RHBG: variants seen among roughly 807,000 people sequenced by gnomAD.
RHBG encodes ammonium transporter Rh type B.
In RHBG, 39 loss-of-function variants were observed where a neutral mutation model predicts 40.1. The observed-to-expected ratio is 0.97, with a 90% CI of 0.75 to 1.27. The LOEUF is 1.27. RHBG is among the 50% of genes most tolerant of loss of function. RHBG has a pLI of 0.00. For synonymous variants in RHBG, 237 were observed against 252.5 expected (o/e 0.94, Z 0.58); for missense variants, 549 against 588.1 (o/e 0.93, Z 0.69).
chr1:156,372,639 C>T (rs1395729952), intron 1 of RHBG, among the ~76,000 whole-genome samples: 1 of 152,100 alleles, frequency 6.6e-6, no homozygotes. Context: ...TAGAGGCAGG[C>T]GGGATGGATG....
chr1:156,374,228 G>A (rs1667036511), intron 1 of RHBG, among the ~76,000 whole-genome samples: 1 of 152,122 alleles, frequency 6.6e-6, no homozygotes, highest in Non-Finnish European at 1.5e-5. Context: ...CTGATTATCT[G>A]AGATGGAACA....
chr1:156,369,473 C>A (rs1382131705), intron 1 of RHBG, 37 bp downstream of exon 1: 2 of 1,556,904 alleles, frequency 1.3e-6, no homozygotes, highest in Admixed American at 3.8e-5. Context: ...AAGCAAAGAC[C>A]CCAAGATTTG....
chr1:156,377,462 G>T lies in RHBG; in HGVS notation c.349G>T (p.Gly117Cys), dbSNP rs12567720. ...GGGCTTTCTCCACTCCTTCCACGGT[G>T]GCCACATCCATGTTGGCGTGGAGAG... is the stretch of plus-strand genomic sequence containing the variant. ...VQGFLHSFHG[G>C]HIHVGVESMI... Residue 117 changes from glycine (G) to cysteine (C), a missense_variant, in exon 2 of 10, where the codon GGC becomes TGC. Gly to Cys is a radical substitution (Grantham distance 159, BLOSUM62 -3). Around this residue, in one of 3 missense-constraint regions of RHBG, gnomAD observed 51 missense variants for 85.9 expected, o/e 0.59. Coordinates refer to ENST00000537040, the MANE Select transcript of RHBG (RefSeq NM_020407.5). This position sits in a 1 kb window ranked among gnomAD's most constrained non-coding sequence, Gnocchi z 4.6. 2.8e-4 allele frequency: 452 copies of T among 1,612,366 alleles called. 2 individuals carry two copies. The East Asian group carries it at 1.0e-2, about 35-fold the overall frequency.
rs374891145 is a variant in RHBG, at chr1:156,384,791, T to C, written c.1323T>C (p.His441=). 165 of 1,613,888 alleles carry C rather than the reference T, an allele frequency of 1.0e-4. No homozygotes were observed. Among genetic ancestry groups the C allele is most frequent in the Non-Finnish European group, 1.3e-4 (155 of 1,179,962 alleles). The change falls in exon 10 of 10, where the codon CAT becomes CAC. Residue 441 remains histidine, a synonymous_variant. Transcript: ENST00000537040. ...DQVHWQVPGE[H]EDKAQRPLRV... ...CTGCCTTCCAGGTGCCTGGCGAGCATGAGGATAAAGCCCAGAGACCTCTGA... is the reference window on the plus strand; with the variant it reads ...CTGCCTTCCAGGTGCCTGGCGAGCACGAGGATAAAGCCCAGAGACCTCTGA...
intron 9 of RHBG, 67 bp from the exon 10 acceptor site, chr1:156,384,710 A>G: frequency 1.3e-6 from 2 of 1,561,904 alleles, no homozygotes; most frequent in South Asian, 1.1e-5. Flanking sequence ...TCTGGGGTAC[A>G]CCCCTGAACT....
chr1:156,381,297 C>T (rs763258376), intron 4 of RHBG, 50 bp from the exon 5 acceptor site: 29 of 1,586,926 alleles, frequency 1.8e-5, no homozygotes, highest in South Asian at 3.3e-5. Flanking sequence ...TTGTACCTTG[C>T]GTGGGAGTCA....
intron 1 of RHBG, among the ~76,000 whole-genome samples, chr1:156,376,629 G>T (rs936308151): frequency 6.6e-6 from 1 of 152,022 alleles, no homozygotes; most frequent in Non-Finnish European, 1.5e-5. Context: ...CTCCCAAAGT[G>T]CTGGGATTAC....
chr1:156,378,771 CCTCCAGGCCTTTGCCTGTCTGG>C (rs1321413298), intron 4 of RHBG, among the ~76,000 whole-genome samples: 1 of 152,148 alleles, frequency 6.6e-6, no homozygotes, highest in African/African-American at 2.4e-5. Flanking sequence ...CCTGCCCTCA[CCTCCAGGCCTTTGCCTGTCTGG>C]TTCCCGGCAA....
In RHBG at chr1:156,381,811, C is replaced by T; in HGVS notation, c.846C>T (p.His282=). ...ACACCTTGCTCTTCCCTTAGGTCCA[C>T]ATCCAAAATGCAGCGCTGGCTGGAG... The part of the protein sequence containing the change: ...VGEDGRLDMV[H]IQNAALAGGV... Residue 282 remains histidine, a synonymous_variant, in exon 6 of 10, where the codon CAC becomes CAT. Coordinates refer to ENST00000537040, the MANE Select transcript of RHBG (RefSeq NM_020407.5). 3 of 1,583,434 alleles carry T rather than the reference C, an allele frequency of 1.9e-6. No individual in the cohort carries two copies. The highest frequency in any genetic ancestry group is 2.6e-6 in the Non-Finnish European group (3 of 1,172,280).
Position 156,378,356 on chromosome 1 carries a change from C to T in RHBG, c.630C>T (p.His210=), listed in dbSNP as rs375155417. ...LYRPQLEKSK[H]RQGSVYHSDL... ...GGCCCCAGCTGGAGAAGAGCAAGCA[C>T]CGCCAGGGCTCCGTCTACCATTCAG... is the stretch of plus-strand genomic sequence containing the variant. The change falls in exon 4 of 10, where the codon CAC becomes CAT. Residue 210 remains histidine (H), a synonymous_variant. Coordinates refer to ENST00000537040, the MANE Select transcript of RHBG (RefSeq NM_020407.5). The T allele has an allele frequency of 5.6e-5, 91 of 1,612,718 alleles. No homozygotes were observed. The highest frequency in any genetic ancestry group is 3.3e-4 in the Middle Eastern group (2 of 6,072).
At chr1:156,378,980 C>T (rs1667425551) in intron 4 of RHBG, among the ~76,000 whole-genome samples, 3 of 151,864 alleles carry the variant, frequency 2.0e-5, no homozygotes, top group African/African-American at 7.2e-5. Context: ...GTCATCACCA[C>T]CTGCTGCTTC....
chr1:156,382,728 T>C lies in RHBG; in HGVS notation c.1113-20T>C. 1 of 1,613,722 alleles carries C rather than the reference T, an allele frequency of 6.2e-7. No individual in the cohort carries two copies. The highest frequency in any genetic ancestry group is 2.2e-5 in the East Asian group (1 of 44,866). On this transcript the variant is annotated intron_variant, in intron 7 of 9. Transcript: ENST00000537040. ...TCTCTCTCCCTACCCCTGCCTTTCC[T>C]CTATCTGGTCTCCCTGCAGCCTGGA... is the stretch of plus-strand genomic sequence containing the variant.
rs779846942 is a variant in RHBG, at chr1:156,381,477, G to C, written c.804G>C (p.Leu268Phe). Residue 268 changes from leucine (L) to phenylalanine (F), a missense_variant, in exon 5 of 10, where the codon TTG (leucine) becomes TTC (phenylalanine). Physicochemically the swap from Leu to Phe is conservative, Grantham distance 22 (BLOSUM62 0). Transcript: ENST00000537040. ...CCAGCACCCTTGGCACCTTTGCCTT[G>C]TCAGCCCTTGTAGGGGAAGATGGGA... Reference protein sequence around the residue: ...LAASTLGTFALSALVGEDGRL... With the variant: ...LAASTLGTFAFSALVGEDGRL... 1.2e-6 allele frequency: 2 copies of C among 1,613,544 alleles called. No homozygotes were observed. Among genetic ancestry groups the C allele is most frequent in the Non-Finnish European group, 1.7e-6 (2 of 1,179,634 alleles).
intron 1 of RHBG, among the ~76,000 whole-genome samples, chr1:156,373,587 G>T (rs1406242161): frequency 6.6e-6 from 1 of 152,142 alleles, no homozygotes; most frequent in Admixed American, 6.6e-5. Context: ...AGCCCAAAAA[G>T]AATTTCTCAT....
chr1:156,381,299 TG>T, intron 4 of RHBG, 47 bp from the exon 5 acceptor site: 1 of 1,596,106 alleles, frequency 6.3e-7, no homozygotes. Flanking sequence ...GTACCTTGCG[TG>T]GGAGTCACTT....
At chr1:156,375,664 T>C (rs1203029968) in intron 1 of RHBG, among the ~76,000 whole-genome samples, 1 of 151,966 alleles carries the variant, frequency 6.6e-6, no homozygotes, top group Non-Finnish European at 1.5e-5. Context: ...ATAAATAAAA[T>C]TCAATAATTA....
intron 1 of RHBG, chr1:156,371,674 A>G (rs948140214): frequency 1.3e-5 from 2 of 153,802 alleles, no homozygotes; most frequent in African/African-American, 2.4e-5. Flanking sequence ...CCTGGCTAGA[A>G]AAGAAGGATA....
intron 1 of RHBG, among the ~76,000 whole-genome samples, chr1:156,373,862 A>G (rs952621895): frequency 3.9e-5 from 6 of 152,204 alleles, no homozygotes; most frequent in African/African-American, 1.4e-4. Context: ...AGTGAGGCTA[A>G]AAGAACTTAG....
intron 1 of RHBG, among the ~76,000 whole-genome samples, chr1:156,370,389 T>G: frequency 1.3e-5 from 2 of 150,368 alleles, no homozygotes; most frequent in East Asian, 2.0e-4. Context: ...GCAGAGGTTG[T>G]AGTGAGTCAG....
Sources: allele counts gnomAD v4.1 joint callset (sites outside exome capture counted in the v4.1 genomes callset), GRCh38; gene constraint gnomAD v4.1.1; regional missense constraint gnomAD v4.1.1; non-coding constraint Gnocchi (gnomAD v3.1); transcripts MANE v1.5; gene names NCBI Gene and HGNC (gene_info 2026-07-23, HGNC 2026-07-21).